PTPRR: variants seen among roughly 807,000 people sequenced by gnomAD.
The protein encoded by PTPRR is protein tyrosine phosphatase receptor type R, also known as receptor-type tyrosine-protein phosphatase R.
In PTPRR, 38 loss-of-function variants were observed where a neutral mutation model predicts 77.2. The observed-to-expected ratio is 0.49, with a 90% CI of 0.38 to 0.65. The LOEUF (loss-of-function observed/expected upper bound fraction) is 0.65. Among genes scored for constraint, PTPRR ranks in the 30% least tolerant of loss-of-function variants. The pLI is 0.00. For synonymous variants in PTPRR, 299 were observed against 283.1 expected, an observed-to-expected ratio of 1.06 and a Z score of -0.57; for missense variants, 744 against 799.2, an observed-to-expected ratio of 0.93 and a Z score of 0.83.
At chr12:70,688,223 G>T (rs1290203088) in intron 8 of PTPRR, among the ~76,000 whole-genome samples, 1 of 152,148 alleles carries the variant, frequency 6.6e-6, no homozygotes, top group Non-Finnish European at 1.5e-5. Context: ...AGCAAAAATA[G>T]ACACAGGGGA....
chr12:70,805,948 G>A (rs1214848046), intron 2 of PTPRR, among the ~76,000 whole-genome samples: 1 of 152,116 alleles, frequency 6.6e-6, no homozygotes, highest in East Asian at 1.9e-4. Context: ...GTCTTGGCCA[G>A]AAACAGAATG....
At chr12:70,639,305 G>T (rs750534613) in intron 13 of PTPRR, 28 bp from the exon 14 acceptor site, 1 of 1,604,534 alleles carries the variant, frequency 6.2e-7, no homozygotes, top group Admixed American at 1.7e-5. Context: ...TAAAATAACT[G>T]ATTTTGCTAA....
chr12:70,897,636 C>T (rs866251732), intron 1 of PTPRR, among the ~76,000 whole-genome samples: 7 of 151,928 alleles, frequency 4.6e-5, no homozygotes, highest in South Asian at 4.1e-4. Flanking sequence ...ACCATTTGAC[C>T]CAGCCGTCCC....
At chr12:70,893,418 G>T (rs972439224) in intron 1 of PTPRR, among the ~76,000 whole-genome samples, 2 of 151,778 alleles carry the variant, frequency 1.3e-5, no homozygotes, top group African/African-American at 4.8e-5. Context: ...GTATTACAAT[G>T]AACAGTTTTC....
intron 2 of PTPRR, among the ~76,000 whole-genome samples, chr12:70,810,439 T>A (rs1164398708): frequency 6.6e-6 from 1 of 152,182 alleles, no homozygotes; most frequent in Non-Finnish European, 1.5e-5. Flanking sequence ...TTTCCCTCAT[T>A]TTCTAGGTAC....
At chr12:70,860,392 C>G (rs1403463405) in intron 2 of PTPRR, among the ~76,000 whole-genome samples, 2 of 152,080 alleles carry the variant, frequency 1.3e-5, no homozygotes, top group Non-Finnish European at 2.9e-5. Context: ...AGAGTTCAGA[C>G]TGCCTTTCAA....
At chr12:70,664,857 T>C (rs1886925767) in intron 10 of PTPRR, among the ~76,000 whole-genome samples, 1 of 152,192 alleles carries the variant, frequency 6.6e-6, no homozygotes, top group Admixed American at 6.5e-5. Flanking sequence ...AATACATTTT[T>C]CCCTCATTTA....
chr12:70,806,904 T>C (rs966688857), intron 2 of PTPRR, among the ~76,000 whole-genome samples: 1 of 152,156 alleles, frequency 6.6e-6, no homozygotes, highest in Non-Finnish European at 1.5e-5. Context: ...CCCACAGAAA[T>C]TCTCAAGTCC....
intron 6 of PTPRR, among the ~76,000 whole-genome samples, chr12:70,722,093 C>A (rs1036051993): frequency 6.6e-6 from 1 of 152,144 alleles, no homozygotes; most frequent in East Asian, 1.9e-4. Flanking sequence ...CCCGGCTATG[C>A]GCCCCCCGTG....
At chr12:70,734,958 T>C (rs535741685) in intron 6 of PTPRR, among the ~76,000 whole-genome samples, 1 of 152,350 alleles carries the variant, frequency 6.6e-6, no homozygotes, top group South Asian at 2.1e-4. Flanking sequence ...TCTCATGACG[T>C]ACCATTAATT....
chr12:70,756,681 A>G (rs1890571884), intron 4 of PTPRR, among the ~76,000 whole-genome samples: 1 of 152,094 alleles, frequency 6.6e-6, no homozygotes, highest in South Asian at 2.1e-4. Flanking sequence ...CTATTATTTA[A>G]AATTTGGTCA....
intron 10 of PTPRR, among the ~76,000 whole-genome samples, chr12:70,664,163 A>G (rs1318270104): frequency 1.3e-5 from 2 of 152,192 alleles, no homozygotes; most frequent in Non-Finnish European, 2.9e-5. Context: ...CTTTATTTAC[A>G]TGCCACCTGA....
chr12:70,641,036 G>T (rs913816001), intron 13 of PTPRR, among the ~76,000 whole-genome samples: 3 of 152,194 alleles, frequency 2.0e-5, no homozygotes, highest in African/African-American at 7.2e-5. Context: ...GTGAACAACA[G>T]AAATGGCCAG....
chr12:70,790,873 C>CA (rs1323923354), intron 2 of PTPRR, among the ~76,000 whole-genome samples: 5 of 151,816 alleles, frequency 3.3e-5, no homozygotes, highest in East Asian at 1.9e-4. Context: ...AAAACAAAAA[C>CA]AAAAAAACCA....
intron 13 of PTPRR, chr12:70,639,542 G>A (rs1185828017): frequency 8.6e-7 from 1 of 1,159,652 alleles, no homozygotes; most frequent in Non-Finnish European, 1.1e-6. Context: ...CTGGGGAGGT[G>A]GTACAGCCTA....
intron 2 of PTPRR, among the ~76,000 whole-genome samples, chr12:70,785,789 A>C (rs1891308779): frequency 6.6e-6 from 1 of 152,254 alleles, no homozygotes; most frequent in Non-Finnish European, 1.5e-5. Context: ...TCACGATTTA[A>C]CCACAAATAG....
At chr12:70,656,490 C>T (rs938325947) in intron 13 of PTPRR, among the ~76,000 whole-genome samples, 1 of 152,176 alleles carries the variant, frequency 6.6e-6, no homozygotes, top group Non-Finnish European at 1.5e-5. Flanking sequence ...GATTGCACCA[C>T]TGCACTCCAG....
rs138505987 is a variant in PTPRR at position 70,836,498 on chromosome 12, T to C, written c.357+56181A>G. The stretch of plus-strand genomic sequence containing the variant: ...CATATCACCACAAATCAAAAAATTG[T>C]TTTGGACTAAAGTCCAAAACCTTAA... On this transcript the variant is annotated intron_variant, in intron 2 of 13. Transcript: ENST00000283228. 9.5e-4 allele frequency among the ~76,000 whole-genome samples: 144 copies of C among 152,158 alleles called. No individual in the cohort carries two copies. In the Middle Eastern group the frequency reaches 0.017, roughly 18 times the overall value.
At chr12:70,842,802 C>G (rs1221700072) in intron 2 of PTPRR, among the ~76,000 whole-genome samples, 1 of 152,184 alleles carries the variant, frequency 6.6e-6, no homozygotes, top group Non-Finnish European at 1.5e-5. Flanking sequence ...TCACAGATTC[C>G]AGAGATTTGG....
Sources: gnomAD v4.1 joint callset for allele counts (sites outside exome capture counted in the v4.1 genomes callset) on GRCh38, gnomAD v4.1.1 for gene constraint, MANE v1.5 for transcripts, NCBI Gene and HGNC (gene_info 2026-07-23, HGNC 2026-07-21) for gene names.